RBFOX3: variants seen among roughly 807,000 people sequenced by gnomAD.
The protein encoded by RBFOX3 is RNA binding fox-1 homolog 3, also known as RNA binding protein fox-1 homolog 3.
RBFOX3 carries 17 observed loss-of-function variants against 48.7 expected under a neutral mutation model. That is an observed-to-expected ratio of 0.35 (90% CI 0.24 to 0.52). The LOEUF is 0.52. RBFOX3 is among the 20% of genes least tolerant of loss of function. The probability of loss-of-function intolerance (pLI) is 0.94; values close to 1 mark genes in which losing one functional copy is unlikely to be tolerated. For missense variants in RBFOX3, 382 were observed against 497.5 expected (o/e 0.77, Z 2.21); for synonymous variants, 212 against 209.5 (o/e 1.01, Z -0.10).
intron 4 of RBFOX3, among the ~76,000 whole-genome samples, chr17:79,218,559 C>T (rs2059344227): frequency 6.6e-6 from 1 of 152,282 alleles, no homozygotes; most frequent in East Asian, 1.9e-4. Flanking sequence ...GAGGAAGACC[C>T]CCAGAGGAGC....
chr17:79,406,276 G>A (rs567445807), intron 2 of RBFOX3, among the ~76,000 whole-genome samples: 10 of 152,262 alleles, frequency 6.6e-5, no homozygotes, highest in African/African-American at 2.2e-4. Flanking sequence ...CCCAGCTGCC[G>A]ACAACCCTAG....
intron 4 of RBFOX3, among the ~76,000 whole-genome samples, chr17:79,156,613 T>C (rs542311043): frequency 1.3e-5 from 2 of 152,310 alleles, no homozygotes; most frequent in African/African-American, 4.8e-5. Context: ...TGCTTCTCTA[T>C]GTAAATAAAG....
At chr17:79,154,717 C>T (rs1286924971) in intron 4 of RBFOX3, among the ~76,000 whole-genome samples, 1 of 152,248 alleles carries the variant, frequency 6.6e-6, no homozygotes, top group Non-Finnish European at 1.5e-5. Flanking sequence ...GACCTCAGGC[C>T]TTGGAGCTGC....
intron 2 of RBFOX3, among the ~76,000 whole-genome samples, chr17:79,425,429 C>T (rs1478426379): frequency 6.6e-6 from 1 of 152,214 alleles, no homozygotes; most frequent in Non-Finnish European, 1.5e-5. Context: ...CAACTGCCTG[C>T]ACTCCCCAGA....
At chr17:79,305,084 G>A (rs527824794) in intron 3 of RBFOX3, among the ~76,000 whole-genome samples, 3 of 152,202 alleles carry the variant, frequency 2.0e-5, no homozygotes, top group African/African-American at 4.8e-5. Context: ...TGGGTGGGCC[G>A]CCGCCTGGCC....
At chr17:79,347,126 A>T (rs2071149786) in intron 2 of RBFOX3, among the ~76,000 whole-genome samples, 1 of 152,212 alleles carries the variant, frequency 6.6e-6, no homozygotes, top group African/African-American at 2.4e-5. Context: ...TGCATGTAAA[A>T]GTCTATGTTC....
chr17:79,188,421 A>G (rs190338435), intron 4 of RBFOX3, among the ~76,000 whole-genome samples: 29 of 152,362 alleles, frequency 1.9e-4, no homozygotes, highest in African/African-American at 7.0e-4. Flanking sequence ...CTGTTTAATT[A>G]AGAGGCGTTT....
the RBFOX3 span, among the ~76,000 whole-genome samples, chr17:79,619,240 T>A: frequency 2.0e-5 from 3 of 152,152 alleles, no homozygotes; most frequent in Admixed American, 1.3e-4. Context: ...CACAAAAGCA[T>A]GGATTCAGGT....
At chr17:79,585,068 A>G (rs2093202819) in intron 1 of RBFOX3, among the ~76,000 whole-genome samples, 1 of 151,964 alleles carries the variant, frequency 6.6e-6, no homozygotes, top group Non-Finnish European at 1.5e-5. Flanking sequence ...CCCAGCCGAT[A>G]AATTGGATTT....
chr17:79,224,141 C>T (rs905771727), intron 4 of RBFOX3, among the ~76,000 whole-genome samples: 2 of 152,150 alleles, frequency 1.3e-5, no homozygotes, highest in African/African-American at 2.4e-5. Context: ...CACCAAGAGC[C>T]TCCGGAGTCA....
At chr17:79,306,208 G>C (rs901886368) in intron 3 of RBFOX3, among the ~76,000 whole-genome samples, 1 of 152,228 alleles carries the variant, frequency 6.6e-6, no homozygotes, top group Non-Finnish European at 1.5e-5. Context: ...CTGGGTGGCC[G>C]TGACCTCCCT....
chr17:79,273,899 G>T (rs2068225054), intron 3 of RBFOX3, among the ~76,000 whole-genome samples: 1 of 152,228 alleles, frequency 6.6e-6, no homozygotes, highest in Non-Finnish European at 1.5e-5. Context: ...GGTCCAGCCA[G>T]CTGGAGCTGA....
rs1334838138 is a variant in RBFOX3, at chr17:79,199,078, G to A, written c.-34+36688C>T. Among the ~76,000 whole-genome samples, 1 of 152,162 alleles carries A rather than the reference G, an allele frequency of 6.6e-6. No individual in the cohort carries two copies. The highest frequency in any genetic ancestry group is 1.5e-5 in the Non-Finnish European group (1 of 68,020). ...GAACTGGTTTTTAGGGAGAGAGGGA[G>A]GAGACCCAGAAAACAGTGGGAAGCA... On this transcript the variant is annotated intron_variant, in intron 4 of 14. Transcript: ENST00000693108. The surrounding 1 kb of genome is among the most constrained non-coding windows in gnomAD (Gnocchi z 5.1).
intron 2 of RBFOX3, among the ~76,000 whole-genome samples, chr17:79,321,113 T>C (rs558857284): frequency 1.1e-4 from 16 of 152,276 alleles, no homozygotes; most frequent in Non-Finnish European, 1.5e-5. Flanking sequence ...ATTGGTGGCC[T>C]TTATGTTGCA....
chr17:79,201,738 A>G (rs184924008), intron 4 of RBFOX3, among the ~76,000 whole-genome samples: 17 of 152,244 alleles, frequency 1.1e-4, no homozygotes, highest in Non-Finnish European at 2.2e-4. Flanking sequence ...CCCAGTGCCA[A>G]GCTCACACAC....
chr17:79,597,004 T>C (rs1471263261), intron 1 of RBFOX3, among the ~76,000 whole-genome samples: 1 of 152,128 alleles, frequency 6.6e-6, no homozygotes, highest in African/African-American at 2.4e-5. Context: ...ACGCCCCTCC[T>C]AGGACACTGC....
chr17:79,092,679 G>A (rs545115829), intron 14 of RBFOX3: 31 of 936,290 alleles, frequency 3.3e-5, no homozygotes, highest in South Asian at 4.9e-5. Context: ...AATCAGTACC[G>A]TCTTTTGGAA....
intron 1 of RBFOX3, among the ~76,000 whole-genome samples, chr17:79,570,612 A>G (rs2031418284): frequency 6.6e-6 from 1 of 152,190 alleles, no homozygotes; most frequent in South Asian, 2.1e-4. Flanking sequence ...TCCCACCAAC[A>G]GTGTTGGCTG....
intron 2 of RBFOX3, among the ~76,000 whole-genome samples, chr17:79,356,348 G>GTGTTTTTTTTTTT (rs2085002331): frequency 2.1e-5 from 1 of 47,330 alleles, no homozygotes; most frequent in Admixed American, 2.8e-4. Flanking sequence ...AAACAGGGAA[G>GTGTTTTTTTTTTT]TTTTTTTTTT....
Sources: allele counts gnomAD v4.1 joint callset (sites outside exome capture counted in the v4.1 genomes callset), GRCh38; gene constraint gnomAD v4.1.1; non-coding constraint Gnocchi (gnomAD v3.1); transcripts MANE v1.5; gene names NCBI Gene and HGNC (gene_info 2026-07-23, HGNC 2026-07-21).